The following OPRD1 variants were observed in gnomAD, a reference collection of about 807,000 sequenced individuals.
OPRD1 encodes the protein delta-type opioid receptor.
OPRD1 carries 19 observed loss-of-function variants against 17.5 expected under a neutral mutation model. That is an observed-to-expected ratio of 1.09 (90% CI 0.76 to 1.60). OPRD1 has a LOEUF of 1.60. OPRD1 is among the 40% of genes most tolerant of loss of function. OPRD1 has a pLI of 0.00. For missense variants in OPRD1, 483 were observed against 547.2 expected (o/e 0.88, Z 1.17); for synonymous variants, 256 against 240.9 (o/e 1.06, Z -0.58).
intron 1 of OPRD1, among the ~76,000 whole-genome samples, chr1:28,849,875 CTTTTTTTTTT>C (rs34907861): frequency 6.9e-4 from 82 of 118,116 alleles, no homozygotes; most frequent in Admixed American, 1.7e-3. Flanking sequence ...GAGAGTCAAA[CTTTTTTTTTT>C]TTTTTTTTTT....
At position 28,844,110 on chromosome 1, in the gene OPRD1, A is replaced by G. The variant is rs542991; in HGVS notation, c.228-14844A>G. 9.3e-3 allele frequency among the ~76,000 whole-genome samples: 1,413 copies of G among 151,496 alleles called. 17 individuals are homozygous for G. The highest frequency in any genetic ancestry group is 0.032 in the African/African-American group (1,305 of 41,242). On this transcript the variant is annotated intron_variant, in intron 1 of 2. Coordinates refer to ENST00000234961, the MANE Select transcript of OPRD1 (RefSeq NM_000911.4). Reference sequence around the variant, plus strand: ...TGGCTGCACCATTTTACATTTCCAAAAACGGTACACGAGAGTTCCAGTTTC... The same window carrying G: ...TGGCTGCACCATTTTACATTTCCAAGAACGGTACACGAGAGTTCCAGTTTC...
chr1:28,851,523 C>T (rs1007823706), intron 1 of OPRD1, among the ~76,000 whole-genome samples: 7 of 152,142 alleles, frequency 4.6e-5, no homozygotes, highest in Admixed American at 6.6e-5. Context: ...GTGCTCTAGC[C>T]GAGGAGGACA....
chr1:28,831,546 A>T (rs1193643616), intron 1 of OPRD1, among the ~76,000 whole-genome samples: 1 of 151,554 alleles, frequency 6.6e-6, no homozygotes, highest in Non-Finnish European at 1.5e-5. Context: ...AAAGCATAGC[A>T]TACTGACTCG....
At position 28,866,717 on chromosome 1, in the gene OPRD1, G is replaced by A. The variant is rs146638807; in HGVS notation, c.*3434G>A. On this transcript the variant is annotated 3_prime_UTR_variant, in exon 3 of 3. Coordinates refer to ENST00000234961, the MANE Select transcript of OPRD1 (RefSeq NM_000911.4). Reference sequence around the variant, plus strand: ...TGGAACCCCAGAATGAGGTTTTGAAGACCTAAAACCAAATGGAAAAATCTA... The same window carrying A: ...TGGAACCCCAGAATGAGGTTTTGAAAACCTAAAACCAAATGGAAAAATCTA... 1 of 152,282 alleles carries A rather than the reference G, an allele frequency of 6.6e-6. No homozygotes were observed. The highest frequency in any genetic ancestry group is 1.5e-5 in the Non-Finnish European group (1 of 68,024). The allele number at this position is 152,282 out of a possible 1,614,324, so 9.4% of individuals were successfully genotyped here.
In OPRD1 at chr1:28,861,908, C is replaced by CT. The variant is rs11307166; in HGVS notation, c.578-830dup. Among the ~76,000 whole-genome samples the CT allele has an allele frequency of 1.3e-3, 192 of 144,144 alleles. 3 individuals are homozygous for CT. The highest frequency in any genetic ancestry group is 3.7e-3 in the East Asian group (18 of 4,874). The allele number at this position is 144,144 out of a possible 152,430, so 94.6% of individuals were successfully genotyped here. ...TTTAGGTACCTTAGCCTTTTCTTTT[C>CT]TTTTCTTTTTTTTTTTTTTTTGAGA... On this transcript the variant is annotated intron_variant, in intron 2 of 2. Transcript: ENST00000234961.
intron 1 of OPRD1, among the ~76,000 whole-genome samples, chr1:28,843,261 T>C (rs1238654841): frequency 1.3e-5 from 2 of 152,156 alleles, no homozygotes; most frequent in African/African-American, 2.4e-5. Context: ...GATTACCGCC[T>C]TTTTTATTGT....
intron 1 of OPRD1, among the ~76,000 whole-genome samples, chr1:28,816,388 G>T (rs2088671347): frequency 6.6e-6 from 1 of 152,152 alleles, no homozygotes; most frequent in Non-Finnish European, 1.5e-5. Flanking sequence ...GGGAAACTGA[G>T]TCAAAAGCTG....
At chr1:28,852,164 T>TAAAAAAAAAAAA (rs71030305) in intron 1 of OPRD1, among the ~76,000 whole-genome samples, 20 of 86,708 alleles carry the variant, frequency 2.3e-4, no homozygotes, top group East Asian at 7.0e-4. Context: ...AAACTCCATG[T>TAAAAAAAAAAAA]AAAAAAAAAA....
At chr1:28,831,251 C>G (rs554764939) in intron 1 of OPRD1, among the ~76,000 whole-genome samples, 1 of 152,310 alleles carries the variant, frequency 6.6e-6, no homozygotes, top group Non-Finnish European at 1.5e-5. Context: ...GTGGCTCACA[C>G]CTGTAAGCCC....
chr1:28,841,542 C>T (rs4233254), intron 1 of OPRD1, among the ~76,000 whole-genome samples: 42,594 of 152,040 alleles, frequency 0.28, 6,214 homozygotes, highest in Middle Eastern at 0.42. Flanking sequence ...TGAAATCCTG[C>T]ATTCACTGCT....
rs974576696 is a variant in OPRD1 at position 28,868,192 on chromosome 1, A to C, written c.*4909A>C. 3 of 152,216 alleles carry C rather than the reference A, an allele frequency of 2.0e-5. No homozygotes were observed. Among genetic ancestry groups the C allele is most frequent in the African/African-American group, 7.2e-5 (3 of 41,454 alleles). The allele number at this position is 152,216 out of a possible 1,614,324, so 9.4% of individuals were successfully genotyped here. ...CAGGCAGCCCCCAAGCCTGGATCAA[A>C]TCCCAGCTCTCAAGCTAACTGGCTG... On this transcript the variant is annotated 3_prime_UTR_variant, in exon 3 of 3. Coordinates refer to ENST00000234961, the MANE Select transcript of OPRD1 (RefSeq NM_000911.4).
At chr1:28,838,832 G>C (rs2088873956) in intron 1 of OPRD1, among the ~76,000 whole-genome samples, 1 of 152,170 alleles carries the variant, frequency 6.6e-6, no homozygotes, top group African/African-American at 2.4e-5. Flanking sequence ...CAATTAGTTA[G>C]GGACAGAGCT....
At chr1:28,836,052 T>C (rs2088849886) in intron 1 of OPRD1, among the ~76,000 whole-genome samples, 1 of 152,158 alleles carries the variant, frequency 6.6e-6, no homozygotes, top group Admixed American at 6.6e-5. Context: ...TAGGCTAACA[T>C]TCTATATTCT....
chr1:28,858,657 T>C (rs545758877), intron 1 of OPRD1, among the ~76,000 whole-genome samples: 79 of 151,366 alleles, frequency 5.2e-4, no homozygotes, highest in Non-Finnish European at 1.1e-3. Flanking sequence ...GCAATTTTCC[T>C]GCCTCAGCCT....
chr1:28,840,013 G>T (rs2088883059), intron 1 of OPRD1, among the ~76,000 whole-genome samples: 1 of 152,142 alleles, frequency 6.6e-6, no homozygotes, highest in Non-Finnish European at 1.5e-5. Flanking sequence ...TGCACTCAGG[G>T]TTCCTCCAGT....
intron 1 of OPRD1, among the ~76,000 whole-genome samples, chr1:28,853,742 T>C (rs888817202): frequency 6.7e-6 from 1 of 148,900 alleles, no homozygotes; most frequent in Non-Finnish European, 1.5e-5. Flanking sequence ...TAAAATTTTC[T>C]TTTTTTTTTC....
chr1:28,855,915 G>T (rs903649652), intron 1 of OPRD1, among the ~76,000 whole-genome samples: 3 of 152,210 alleles, frequency 2.0e-5, no homozygotes, highest in African/African-American at 7.2e-5. Flanking sequence ...ATTTGGGAGG[G>T]AGTAGGATAG....
chr1:28,840,284 C>T (rs575290774), intron 1 of OPRD1, among the ~76,000 whole-genome samples: 21 of 152,258 alleles, frequency 1.4e-4, no homozygotes, highest in Admixed American at 3.3e-4. Flanking sequence ...GATAGAGTCT[C>T]GCTCTGTCCC....
chr1:28,823,177 T>C (rs2088729969), intron 1 of OPRD1, among the ~76,000 whole-genome samples: 1 of 151,122 alleles, frequency 6.6e-6, no homozygotes, highest in Admixed American at 6.6e-5. Context: ...GAAAGAATCT[T>C]TTCTTCTGTA....
Sources: allele counts gnomAD v4.1 joint callset (sites outside exome capture counted in the v4.1 genomes callset), GRCh38; gene constraint gnomAD v4.1.1; transcripts MANE v1.5; gene names NCBI Gene and HGNC (gene_info 2026-07-23, HGNC 2026-07-21).